ASAP3: variants seen among roughly 807,000 people sequenced by gnomAD.
The protein encoded by ASAP3 is ArfGAP with SH3 domain, ankyrin repeat and PH domain 3, also known as arf-GAP with SH3 domain, ANK repeat and PH domain-containing protein 3.
ASAP3 carries 85 observed loss-of-function variants against 118.2 expected under a neutral mutation model. The observed-to-expected ratio is 0.72, with a 90% CI of 0.60 to 0.86. The LOEUF (loss-of-function observed/expected upper bound fraction) is 0.86. ASAP3 is among the 40% of genes least tolerant of loss of function. The probability of loss-of-function intolerance (pLI) is 0.00; values close to 1 mark genes in which losing one functional copy is unlikely to be tolerated. For synonymous variants in ASAP3, 432 were observed against 477.4 expected (o/e 0.90, Z 1.24); for missense variants, 1,026 against 1,175.0 (o/e 0.87, Z 1.85).
At chr1:23,464,778 T>C (rs1641713184) in intron 1 of ASAP3, among the ~76,000 whole-genome samples, 1 of 147,000 alleles carries the variant, frequency 6.8e-6, no homozygotes, top group African/African-American at 2.5e-5. Context: ...GCAGCAGGCA[T>C]CATCCAGGAA....
At chr1:23,482,713 C>G (rs1442993757) in intron 1 of ASAP3, among the ~76,000 whole-genome samples, 2 of 151,988 alleles carry the variant, frequency 1.3e-5, no homozygotes, top group African/African-American at 4.8e-5. Flanking sequence ...CTTTGGGAGG[C>G]CGAGACGGGC....
At chr1:23,464,280 AG>A (rs1328991105) in intron 1 of ASAP3, among the ~76,000 whole-genome samples, 3 of 151,256 alleles carry the variant, frequency 2.0e-5, no homozygotes, top group African/African-American at 7.3e-5. Flanking sequence ...TCCACTTCCC[AG>A]GTTCAATCGA....
chr1:23,473,939 G>C (rs1343079944), intron 1 of ASAP3, among the ~76,000 whole-genome samples: 1 of 148,780 alleles, frequency 6.7e-6, no homozygotes, highest in African/African-American at 2.5e-5. Context: ...ATCAGTCCAG[G>C]ATGGTGTGGA....
intron 1 of ASAP3, among the ~76,000 whole-genome samples, chr1:23,457,436 G>A (rs1445788439): frequency 6.6e-6 from 1 of 152,224 alleles, no homozygotes; most frequent in East Asian, 1.9e-4. Context: ...GAGGCCGGTG[G>A]CATGTGGGAA....
intron 1 of ASAP3, among the ~76,000 whole-genome samples, chr1:23,460,051 AC>A (rs1641519951): frequency 6.6e-6 from 1 of 152,182 alleles, no homozygotes; most frequent in Admixed American, 6.5e-5. Context: ...AAGGGAGATA[AC>A]CCCCAAACTC....
At chr1:23,440,988 A>G (rs903085171) in intron 10 of ASAP3, 114 bp downstream of exon 10, 22 of 964,402 alleles carry the variant, frequency 2.3e-5, no homozygotes, top group Admixed American at 2.0e-4. Context: ...TTTACATTGC[A>G]ACCCTCGGTG....
chr1:23,455,383 A>C (rs573719077), intron 3 of ASAP3, among the ~76,000 whole-genome samples: 1 of 152,342 alleles, frequency 6.6e-6, no homozygotes, highest in East Asian at 1.9e-4. Flanking sequence ...ACCCGAGGCC[A>C]CTGGGCCATG....
chr1:23,477,487 G>A (rs1642170642), intron 1 of ASAP3, among the ~76,000 whole-genome samples: 1 of 151,984 alleles, frequency 6.6e-6, no homozygotes, highest in Non-Finnish European at 1.5e-5. Context: ...GAGCCTGAGG[G>A]AAGTTAGGAG....
intron 17 of ASAP3, 66 bp downstream of exon 17, chr1:23,435,779 GCTGGTC>G: frequency 2.6e-6 from 4 of 1,561,116 alleles, no homozygotes; most frequent in Non-Finnish European, 3.5e-6. Flanking sequence ...GGGAGTAACA[GCTGGTC>G]CTGGAGAAGA....
At position 23,451,528 on chromosome 1, in the gene ASAP3, C is replaced by G; in HGVS notation, c.424G>C (p.Asp142His). The G allele has an allele frequency of 2.5e-6, 4 of 1,614,094 alleles. No homozygotes were observed. The highest frequency in any genetic ancestry group is 3.4e-6 in the Non-Finnish European group (4 of 1,179,982). Residue 142 changes from aspartate (D) to histidine (H), a missense_variant and splice_region_variant, in exon 5 of 25, where the codon GAT (aspartate) becomes CAT (histidine). By Grantham distance (81) the Asp-to-His change is moderately conservative (BLOSUM62 -1). Transcript: ENST00000336689. ...MKGQLRDGRQ[D>H]SKKQLEKAWK... ...GCCTTCTCCAGCTGTTTTTTGGAAT[C>G]CTGTGGGTTAAAAAAGGACAATTTG...
Position 23,431,698 on chromosome 1 carries a change from G to C in ASAP3, c.2544C>G (p.Phe848Leu). The C allele has an allele frequency of 2.0e-6, 3 of 1,524,780 alleles. No individual in the cohort carries two copies. The highest frequency in any genetic ancestry group is 2.6e-6 in the Non-Finnish European group (3 of 1,142,796). The allele number at this position is 1,524,780 out of a possible 1,614,324, so 94.5% of individuals were successfully genotyped here. ...TGCACAGCTGGGCCCTCACCAACCT[G>C]AATCTGACGGGGAGGTACATCTCCG... ...TPSEMYLPVR[F>L]SSESTRSYRR... The change falls in exon 23 of 25, where the codon TTC (phenylalanine) becomes TTG (leucine). Residue 848 changes from phenylalanine to leucine, a missense_variant and splice_region_variant. Transcript: ENST00000336689.
intron 5 of ASAP3, among the ~76,000 whole-genome samples, chr1:23,445,216 G>A (rs1570356326): frequency 1.3e-5 from 2 of 152,112 alleles, no homozygotes; most frequent in South Asian, 2.1e-4. Context: ...AGGGCTGGGC[G>A]TGGAAGCTTA....
At position 23,484,179 on chromosome 1, in the gene ASAP3, T is replaced by G. The variant is rs892061548; in HGVS notation, c.-46A>C. On this transcript the variant is annotated 5_prime_UTR_variant, in exon 1 of 25. Transcript: ENST00000336689. ...TGCCGGAGCGGGGCGCGGGGGGCACTGAGCTGCTCCGCGCTGAGCCGGCCT... is the reference window on the plus strand; with the variant it reads ...TGCCGGAGCGGGGCGCGGGGGGCACGGAGCTGCTCCGCGCTGAGCCGGCCT... 2.4e-6 allele frequency: 3 copies of G among 1,228,200 alleles called. No homozygotes were observed. Among genetic ancestry groups the G allele is most frequent in the Non-Finnish European group, 2.0e-6 (2 of 985,200 alleles). The allele number at this position is 1,228,200 out of a possible 1,614,324, so 76.1% of individuals were successfully genotyped here.
intron 1 of ASAP3, among the ~76,000 whole-genome samples, chr1:23,464,696 C>CAAAAAAAAA (rs1641709966): frequency 9.5e-6 from 1 of 105,304 alleles, no homozygotes; most frequent in African/African-American, 4.1e-5. Context: ...AAAAAAAAAT[C>CAAAAAAAAA]AGCTTCTGGG....
intron 1 of ASAP3, among the ~76,000 whole-genome samples, chr1:23,468,702 C>G (rs1641860260): frequency 6.7e-6 from 1 of 150,280 alleles, no homozygotes; most frequent in Non-Finnish European, 1.5e-5. Flanking sequence ...GGGTGAAACC[C>G]TATCTCTACT....
chr1:23,437,335 C>CG lies in ASAP3; in HGVS notation c.1152-16dup. ...CTGACACCCACCTGCGGAGATTGAA[C>CG]GGGGTGGGATGGGGATGTCAAGTGG... On this transcript the variant is annotated splice_polypyrimidine_tract_variant and intron_variant, in intron 13 of 24. Coordinates refer to ENST00000336689, the MANE Select transcript of ASAP3 (RefSeq NM_017707.4). The surrounding 1 kb of genome is among the most constrained non-coding windows in gnomAD (Gnocchi z 6.1). The CG allele has an allele frequency of 6.2e-7, 1 of 1,608,578 alleles. No individual in the cohort carries two copies. Among genetic ancestry groups the CG allele is most frequent in the South Asian group, 1.1e-5 (1 of 90,576 alleles).
chr1:23,482,476 C>T (rs761693815), intron 1 of ASAP3, among the ~76,000 whole-genome samples: 1 of 151,796 alleles, frequency 6.6e-6, no homozygotes, highest in Non-Finnish European at 1.5e-5. Context: ...CAGCTGAGAT[C>T]GCACCACTGT....
chr1:23,451,392 T>G, intron 5 of ASAP3, 87 bp downstream of exon 5: 23 of 1,432,426 alleles, frequency 1.6e-5, no homozygotes, highest in Non-Finnish European at 1.9e-5. Context: ...CAATTCTGGA[T>G]GACATGTCTC....
chr1:23,441,040 C>T, intron 10 of ASAP3, 62 bp downstream of exon 10: 1 of 1,494,998 alleles, frequency 6.7e-7, no homozygotes, highest in African/African-American at 1.4e-5. Context: ...GCAGCTTCCC[C>T]AACCCTGTCA....
Sources: gnomAD v4.1 joint callset for allele counts (sites outside exome capture counted in the v4.1 genomes callset) on GRCh38, gnomAD v4.1.1 for gene constraint, Gnocchi (gnomAD v3.1) non-coding constraint, MANE v1.5 for transcripts, NCBI Gene and HGNC (gene_info 2026-07-23, HGNC 2026-07-21) for gene names.